Variants in COL27A1 observed in about 807,000 individuals in gnomAD.
The protein encoded by COL27A1 is collagen type XXVII alpha 1 chain, also known as collagen alpha-1(XXVII) chain.
COL27A1 carries 106 observed loss-of-function variants against 251.3 expected under a neutral mutation model. The ratio of observed to expected loss-of-function variants is 0.42; its 90% CI spans 0.36 to 0.50. COL27A1 has a LOEUF of 0.50. Ranked by LOEUF, COL27A1 falls within the 20% of genes least tolerant of loss-of-function variation. The pLI is 0.00. For synonymous variants in COL27A1, 1,000 were observed against 986.3 expected (o/e 1.01, Z -0.26); for missense variants, 2,325 against 2,522.8 (o/e 0.92, Z 1.68).
chr9:114,258,193 A>G (rs1269934250), intron 27 of COL27A1, among the ~76,000 whole-genome samples: 1 of 152,204 alleles, frequency 6.6e-6, no homozygotes, highest in Non-Finnish European at 1.5e-5. Flanking sequence ...TACATAAATG[A>G]ATGAATGAAT....
At chr9:114,164,560 A>T (rs1848700640) in intron 2 of COL27A1, among the ~76,000 whole-genome samples, 1 of 152,210 alleles carries the variant, frequency 6.6e-6, no homozygotes, top group African/African-American at 2.4e-5. Context: ...AGTGCAGGTT[A>T]GCCCTAAATT....
In COL27A1 at chr9:114,168,891, A is replaced by G; in HGVS notation, c.1336A>G (p.Thr446Ala). 6.2e-7 allele frequency: 1 copy of G among 1,613,656 alleles called. No individual in the cohort carries two copies. The highest frequency in any genetic ancestry group is 8.5e-7 in the Non-Finnish European group (1 of 1,179,918). ...PPPSTRPLPP[T>A]TSSSKKPIPT... The stretch of plus-strand genomic sequence containing the variant: ...GCCCAGCACCCGGCCCCTACCTCCT[A>G]CCACCAGCTCCTCTAAAAAACCCAT... The change falls in exon 3 of 61, where the codon ACC becomes GCC. Residue 446 changes from threonine to alanine, a missense_variant. Transcript: ENST00000356083.
intron 56 of COL27A1, 87 bp from the exon 57 acceptor site, chr9:114,304,521 C>G (rs770496342): frequency 4.8e-6 from 6 of 1,249,614 alleles, no homozygotes; most frequent in Non-Finnish European, 7.1e-6. Flanking sequence ...AAGATCCTGC[C>G]AGGGAATGTG....
intron 45 of COL27A1, 82 bp downstream of exon 45, chr9:114,289,377 G>T: frequency 3.6e-6 from 5 of 1,370,212 alleles, no homozygotes; most frequent in South Asian, 1.4e-5. Context: ...CAAACCAAAC[G>T]CAGGCTGCAG....
At chr9:114,300,190 C>A in intron 50 of COL27A1, 67 bp downstream of exon 50, 2 of 1,480,398 alleles carry the variant, frequency 1.4e-6, no homozygotes, top group Non-Finnish European at 1.9e-6. Flanking sequence ...TTCATTTATT[C>A]ATTCAACAAA....
intron 27 of COL27A1, among the ~76,000 whole-genome samples, chr9:114,255,806 G>A (rs1833881506): frequency 6.6e-6 from 1 of 152,202 alleles, no homozygotes; most frequent in Non-Finnish European, 1.5e-5. Context: ...CTAGCTCGGA[G>A]GCCCAGAAAA....
intron 14 of COL27A1, among the ~76,000 whole-genome samples, chr9:114,223,009 AC>A (rs1304685272): frequency 2.6e-5 from 4 of 152,216 alleles, no homozygotes; most frequent in Non-Finnish European, 4.4e-5. Flanking sequence ...AGAGGCCTAT[AC>A]ACGAGGAGGT....
intron 37 of COL27A1, 130 bp from the exon 38 acceptor site, chr9:114,282,147 C>A: frequency 1.3e-6 from 1 of 750,808 alleles, no homozygotes; most frequent in Non-Finnish European, 2.3e-6. Flanking sequence ...CATGTGGGTA[C>A]TGGGTGGCAG....
At chr9:114,279,746 G>A (rs985030322) in intron 37 of COL27A1, among the ~76,000 whole-genome samples, 4 of 152,140 alleles carry the variant, frequency 2.6e-5, no homozygotes, top group African/African-American at 7.2e-5. Flanking sequence ...TTGGCTACTC[G>A]GGAGGCTGAG....
intron 1 of COL27A1, among the ~76,000 whole-genome samples, chr9:114,161,728 G>A (rs1588547650): frequency 6.6e-6 from 1 of 152,320 alleles, no homozygotes; most frequent in East Asian, 1.9e-4. Context: ...CTGCCTGCCT[G>A]GGGATCAGAT....
Position 114,302,117 on chromosome 9 carries a change from G to A in COL27A1, c.4872+9G>A, listed in dbSNP as rs767956359. On this transcript the variant is annotated intron_variant, in intron 56 of 60. Coordinates refer to ENST00000356083, the MANE Select transcript of COL27A1 (RefSeq NM_032888.4). ...GGGGTCCTATCCAATTGGTAAGTTG[G>A]AAACCTTCTCTTTTGCCTACTTGGG... 3 of 1,611,768 alleles carry A rather than the reference G, an allele frequency of 1.9e-6. No homozygotes were observed. The South Asian group carries it at 3.3e-5, about 18-fold the overall frequency.
At chr9:114,213,696 G>A (rs541226908) in intron 12 of COL27A1, among the ~76,000 whole-genome samples, 5 of 152,308 alleles carry the variant, frequency 3.3e-5, no homozygotes, top group African/African-American at 9.6e-5. Flanking sequence ...GGTGTGCATA[G>A]TATTTGAACC....
chr9:114,250,766 C>A, intron 25 of COL27A1, 98 bp downstream of exon 25: 2 of 983,668 alleles, frequency 2.0e-6, no homozygotes, highest in South Asian at 2.8e-5. Flanking sequence ...TTCAGAATAC[C>A]CTCCCCTAGC....
At chr9:114,176,496 G>A (rs1827448718) in intron 3 of COL27A1, among the ~76,000 whole-genome samples, 1 of 150,282 alleles carries the variant, frequency 6.7e-6, no homozygotes, top group South Asian at 2.1e-4. Flanking sequence ...AAGGCTTGGA[G>A]CCTGGAAATA....
chr9:114,300,574 C>G, intron 50 of COL27A1, 51 bp from the exon 51 acceptor site: 1 of 1,476,966 alleles, frequency 6.8e-7, no homozygotes. Context: ...TGTGGGGGCC[C>G]TTTACCCAGT....
In COL27A1 at chr9:114,275,887, G is replaced by A. The variant is rs533403093; in HGVS notation, c.3717+119G>A. 6.0e-5 allele frequency: 38 copies of A among 637,220 alleles called. 1 individual carries two copies. In the South Asian group the frequency reaches 7.2e-4, roughly 12 times the overall value. 39.5% of individuals were successfully genotyped at this position (637,220 alleles called of 1,614,324 possible). A position where few individuals can be genotyped will look rare whatever the true frequency, so the allele number is the denominator to read the frequency against. ...TGCCACTGAAGGATCTTCTGCTGTG[G>A]TCCTTTCTCCACCTGGCAGTTTGCC... On this transcript the variant is annotated intron_variant, in intron 37 of 60. Transcript: ENST00000356083.
intron 37 of COL27A1, among the ~76,000 whole-genome samples, chr9:114,279,853 A>C (rs1835797306): frequency 6.6e-6 from 1 of 152,202 alleles, no homozygotes; most frequent in African/African-American, 2.4e-5. Context: ...ACCTTGTCTC[A>C]AATTTAAAAA....
chr9:114,290,154 G>GC lies in COL27A1; in HGVS notation c.4260+49dup. Reference sequence around the variant, plus strand: ...CTGTTTCCAGCCAACCTCCCTGCCCGCCCCCCACACCCGCCCTCCTCCCAC... The same window carrying GC: ...CTGTTTCCAGCCAACCTCCCTGCCCGCCCCCCCACACCCGCCCTCCTCCCAC... On this transcript the variant is annotated intron_variant, in intron 46 of 60. Transcript: ENST00000356083. The surrounding 1 kb of genome is among the most constrained non-coding windows in gnomAD (Gnocchi z 4.6). 1 of 927,206 alleles carries GC rather than the reference G, an allele frequency of 1.1e-6. No individual in the cohort carries two copies. The highest frequency in any genetic ancestry group is 1.7e-6 in the Non-Finnish European group (1 of 604,626). 57.4% of individuals were successfully genotyped at this position (927,206 alleles called of 1,614,324 possible). A position where few individuals can be genotyped will look rare whatever the true frequency, so the allele number is the denominator to read the frequency against.
intron 3 of COL27A1, among the ~76,000 whole-genome samples, chr9:114,170,250 G>T (rs1245854565): frequency 6.6e-6 from 1 of 152,232 alleles, no homozygotes; most frequent in East Asian, 1.9e-4. Context: ...GGGCCAGAAG[G>T]AAGAGGAAGG....
Sources: allele counts gnomAD v4.1 joint callset (sites outside exome capture counted in the v4.1 genomes callset), GRCh38; gene constraint gnomAD v4.1.1; non-coding constraint Gnocchi (gnomAD v3.1); transcripts MANE v1.5; gene names NCBI Gene and HGNC (gene_info 2026-07-23, HGNC 2026-07-21).